FSTL4: variants seen among roughly 807,000 people sequenced by gnomAD.
The protein encoded by FSTL4 is follistatin-related protein 4.
A neutral mutation model predicts 78.2 loss-of-function variants in FSTL4; 28 were observed. That is an observed-to-expected ratio of 0.36 (90% CI 0.27 to 0.49). The LOEUF (loss-of-function observed/expected upper bound fraction) is 0.49, where lower values mean the gene tolerates loss of function less well. FSTL4 is among the 20% of genes least tolerant of loss of function. FSTL4 has a pLI of 0.98. For synonymous variants in FSTL4, 422 were observed against 440.5 expected, an observed-to-expected ratio of 0.96 and a Z score of 0.53; for missense variants, 922 against 1,084.9, an observed-to-expected ratio of 0.85 and a Z score of 2.11.
intron 2 of FSTL4, among the ~76,000 whole-genome samples, chr5:133,579,775 G>C (rs998641893): frequency 6.6e-6 from 1 of 152,192 alleles, no homozygotes; most frequent in Non-Finnish European, 1.5e-5. Context: ...AAGGAAGAAA[G>C]TGTGCCCTCC....
At chr5:133,201,327 T>C (rs1345703063) in intron 15 of FSTL4, among the ~76,000 whole-genome samples, 1 of 152,028 alleles carries the variant, frequency 6.6e-6, no homozygotes, top group Non-Finnish European at 1.5e-5. Flanking sequence ...GCTCTTATTA[T>C]TGGGTGGTTG....
At chr5:133,402,678 G>A (rs1358740948) in intron 3 of FSTL4, among the ~76,000 whole-genome samples, 2 of 152,182 alleles carry the variant, frequency 1.3e-5, no homozygotes, top group Non-Finnish European at 2.9e-5. Flanking sequence ...AAAAAAATCA[G>A]TTATCGGCAG....
At chr5:133,531,309 G>C (rs1256974017) in intron 3 of FSTL4, among the ~76,000 whole-genome samples, 39 of 152,154 alleles carry the variant, frequency 2.6e-4, no homozygotes, top group Admixed American at 2.6e-3. Flanking sequence ...GAAAGGGGAG[G>C]AAGTGAGATG....
At chr5:133,666,665 G>C in the FSTL4 span, among the ~76,000 whole-genome samples, 1 of 151,474 alleles carries the variant, frequency 6.6e-6, no homozygotes, top group East Asian at 1.9e-4. Flanking sequence ...GAACCTGCTC[G>C]TGCGATATAG....
rs138889156 is a variant in FSTL4, at chr5:133,398,257, G to A, written c.409+2481C>T. 2.7e-3 allele frequency among the ~76,000 whole-genome samples: 404 copies of A among 152,272 alleles called. 2 individuals are homozygous for A. Among genetic ancestry groups the A allele is most frequent in the African/African-American group, 9.2e-3 (383 of 41,564 alleles). On this transcript the variant is annotated intron_variant, in intron 4 of 15. Coordinates refer to ENST00000265342, the MANE Select transcript of FSTL4 (RefSeq NM_015082.2). ...CTCCCTATGGGAATGATCGAGGAGA[G>A]GCAGCCCAGCTCTTCTGCCCTCCCA...
chr5:133,224,455 T>C, intron 10 of FSTL4: 1 of 405,074 alleles, frequency 2.5e-6, no homozygotes, highest in Non-Finnish European at 4.4e-6. Flanking sequence ...TTTGAAATCA[T>C]GCCCTAGGAC....
At chr5:133,709,539 G>T in the FSTL4 span, among the ~76,000 whole-genome samples, 1 of 152,254 alleles carries the variant, frequency 6.6e-6, no homozygotes, top group African/African-American at 2.4e-5. Context: ...GCCATCAGCT[G>T]CTCTTGGCAT....
At chr5:133,323,089 G>A (rs1754114584) in intron 4 of FSTL4, among the ~76,000 whole-genome samples, 2 of 152,136 alleles carry the variant, frequency 1.3e-5, no homozygotes, top group Non-Finnish European at 2.9e-5. Flanking sequence ...CTTGTCTAAG[G>A]TCTTCAGGGG....
intron 3 of FSTL4, among the ~76,000 whole-genome samples, chr5:133,470,296 CCAAA>C (rs555212004): frequency 2.1e-4 from 32 of 152,250 alleles, no homozygotes; most frequent in Non-Finnish European, 4.1e-4. Flanking sequence ...AAAATAAAAC[CCAAA>C]CAGAGATAAT....
At chr5:133,461,291 CCT>C (rs1757586767) in intron 3 of FSTL4, among the ~76,000 whole-genome samples, 1 of 152,172 alleles carries the variant, frequency 6.6e-6, no homozygotes, top group African/African-American at 2.4e-5. Context: ...TCCATCCTCC[CCT>C]GTCATAACAG....
At position 133,220,849 on chromosome 5, in the gene FSTL4, T is replaced by C. The variant is rs375819704; in HGVS notation, c.1357A>G (p.Met453Val). 108 of 1,609,674 alleles carry C rather than the reference T, an allele frequency of 6.7e-5. No homozygotes were observed. The highest frequency in any genetic ancestry group is 1.0e-4 in the Admixed American group (6 of 59,986). ...WREEGLSVGN[M>V]FYVFSDDGII... ...CCGTCGTCGGAGAAGACATAGAACATGTTTCCCACGCTGAGGCCTGGGAGG... is the reference window on the plus strand; with the variant it reads ...CCGTCGTCGGAGAAGACATAGAACACGTTTCCCACGCTGAGGCCTGGGAGG... Residue 453 changes from methionine to valine, a missense_variant, in exon 12 of 16, where the codon ATG (methionine) becomes GTG (valine). Physicochemically the swap from Met to Val is conservative, Grantham distance 21. Transcript: ENST00000265342.
At chr5:133,656,166 G>A in the FSTL4 span, among the ~76,000 whole-genome samples, 3 of 152,114 alleles carry the variant, frequency 2.0e-5, no homozygotes, top group South Asian at 4.2e-4. Flanking sequence ...GGCCCTGGTA[G>A]GGGAGTGAGA....
intron 10 of FSTL4, among the ~76,000 whole-genome samples, chr5:133,224,778 T>G (rs1328088998): frequency 3.3e-5 from 5 of 152,180 alleles, no homozygotes; most frequent in Non-Finnish European, 5.9e-5. Flanking sequence ...CCCAATGGTG[T>G]GCATGTGTGC....
At chr5:133,667,395 A>C in the FSTL4 span, among the ~76,000 whole-genome samples, 11,877 of 152,256 alleles carry the variant, frequency 0.078, 542 homozygotes, top group Admixed American at 0.12. Context: ...CACTGCAGCC[A>C]GAGTGGTCCT....
chr5:133,635,400 G>T, the FSTL4 span, among the ~76,000 whole-genome samples: 8 of 152,352 alleles, frequency 5.3e-5, no homozygotes, highest in African/African-American at 1.4e-4. Flanking sequence ...TGTGGAAAAG[G>T]ATGACAGCTA....
chr5:133,392,776 A>G (rs1755881765), intron 4 of FSTL4, among the ~76,000 whole-genome samples: 1 of 152,212 alleles, frequency 6.6e-6, no homozygotes, highest in Non-Finnish European at 1.5e-5. Context: ...AAAGAAGGAC[A>G]GGATGCCAGA....
At chr5:133,535,104 T>G (rs962374277) in intron 3 of FSTL4, among the ~76,000 whole-genome samples, 3 of 152,164 alleles carry the variant, frequency 2.0e-5, no homozygotes, top group African/African-American at 7.2e-5. Flanking sequence ...CACAGAGAAC[T>G]CTCTCCCTCT....
the FSTL4 span, among the ~76,000 whole-genome samples, chr5:133,791,276 G>A: frequency 1.2e-4 from 16 of 137,470 alleles, no homozygotes; most frequent in South Asian, 7.0e-4. Flanking sequence ...GCACATGTGC[G>A]TGCACACACA....
At chr5:133,519,544 C>G (rs558725982) in intron 3 of FSTL4, among the ~76,000 whole-genome samples, 6 of 152,302 alleles carry the variant, frequency 3.9e-5, no homozygotes, top group African/African-American at 1.4e-4. Flanking sequence ...AAAGGAAAGC[C>G]GGGATGGCCA....
Sources: gnomAD v4.1 joint callset for allele counts (sites outside exome capture counted in the v4.1 genomes callset) on GRCh38, gnomAD v4.1.1 for gene constraint, MANE v1.5 for transcripts, NCBI Gene and HGNC (gene_info 2026-07-23, HGNC 2026-07-21) for gene names.